TECRL: variants seen among roughly 807,000 people sequenced by gnomAD.
The protein encoded by TECRL is trans-2,3-enoyl-CoA reductase like.
Under a neutral mutation model 52.8 loss-of-function variants are expected in TECRL, and 63 were observed. That is an observed-to-expected ratio of 1.19 (90% CI 0.97 to 1.47). The LOEUF (loss-of-function observed/expected upper bound fraction) is 1.47. Among genes scored for constraint, TECRL ranks in the 40% most tolerant of loss-of-function variants. The pLI is 0.00. For missense variants in TECRL, 482 were observed against 429.6 expected (o/e 1.12, Z -1.08); for synonymous variants, 164 against 141.9 (o/e 1.16, Z -1.10).
At chr4:64,306,341 T>C (rs777029229) in intron 6 of TECRL, among the ~76,000 whole-genome samples, 1 of 152,144 alleles carries the variant, frequency 6.6e-6, no homozygotes, top group African/African-American at 2.4e-5. Context: ...CTTAGAAGGA[T>C]ATCCTGGGGC....
intron 4 of TECRL, among the ~76,000 whole-genome samples, chr4:64,317,175 G>T (rs1717559424): frequency 6.6e-6 from 1 of 152,114 alleles, no homozygotes; most frequent in South Asian, 2.1e-4. Flanking sequence ...CTACTCGGGA[G>T]GCTGAGGCAG....
At chr4:64,288,565 C>A (rs1284293025) in intron 9 of TECRL, among the ~76,000 whole-genome samples, 1 of 151,960 alleles carries the variant, frequency 6.6e-6, no homozygotes, top group Non-Finnish European at 1.5e-5. Flanking sequence ...ATTTCTTGCT[C>A]GGAATTTAAC....
intron 2 of TECRL, among the ~76,000 whole-genome samples, chr4:64,348,839 G>T (rs1009264710): frequency 1.3e-5 from 2 of 152,100 alleles, no homozygotes; most frequent in African/African-American, 4.8e-5. Flanking sequence ...CTGAGAAAGT[G>T]ATGTTGTAGT....
At chr4:64,349,065 C>CAAAA (rs11318611) in intron 2 of TECRL, among the ~76,000 whole-genome samples, 1,548 of 128,332 alleles carry the variant, frequency 0.012, 31 homozygotes, top group African/African-American at 0.043. Flanking sequence ...TTGGAAATTA[C>CAAAA]AAAAAAAAAA....
At chr4:64,404,052 A>C (rs890890134) in intron 1 of TECRL, among the ~76,000 whole-genome samples, 5 of 151,996 alleles carry the variant, frequency 3.3e-5, no homozygotes, top group Admixed American at 3.3e-4. Flanking sequence ...GAATTGTCAA[A>C]ATTTCTAAGG....
At chr4:64,313,113 A>G (rs1717177099) in intron 5 of TECRL, among the ~76,000 whole-genome samples, 1 of 152,182 alleles carries the variant, frequency 6.6e-6, no homozygotes, top group Non-Finnish European at 1.5e-5. Flanking sequence ...CACAGTAGCT[A>G]ATCAGGACAA....
intron 8 of TECRL, among the ~76,000 whole-genome samples, chr4:64,295,619 C>G (rs1173689159): frequency 6.6e-6 from 1 of 151,576 alleles, no homozygotes; most frequent in Non-Finnish European, 1.5e-5. Context: ...TACACTAACT[C>G]TGAAGTAAAT....
intron 5 of TECRL, among the ~76,000 whole-genome samples, chr4:64,310,511 G>T (rs891782453): frequency 1.3e-5 from 2 of 151,964 alleles, no homozygotes; most frequent in African/African-American, 4.8e-5. Flanking sequence ...TGTACTCTAA[G>T]TTACCACCTC....
At chr4:64,315,761 ATG>A (rs901634079) in intron 4 of TECRL, among the ~76,000 whole-genome samples, 93 of 152,268 alleles carry the variant, frequency 6.1e-4, no homozygotes, top group African/African-American at 1.9e-3. Context: ...ATATGCATAT[ATG>A]TGTGTAATTA....
At position 64,374,052 on chromosome 4, in the gene TECRL, C is replaced by CATATATATATATAGTAGATACATATAT. The variant is rs1553919039; in HGVS notation, c.286+1119_286+1120insATATATGTATCTACTATATATATATAT. Among the ~76,000 whole-genome samples, 129 of 105,934 alleles carry CATATATATATATAGTAGATACATATAT rather than the reference C, an allele frequency of 1.2e-3. 2 individuals carry two copies. The highest frequency in any genetic ancestry group is 5.1e-3 in the African/African-American group (122 of 23,814). The allele number at this position is 105,934 out of a possible 152,430, so 69.5% of individuals were successfully genotyped here. A position where few individuals can be genotyped will look rare whatever the true frequency, so the allele number is the denominator to read the frequency against. ...TATATATATATGTATATAGTAGATA[C>CATATATATATATAGTAGATACATATAT]ATATATATATATATATATATATATA... On this transcript the variant is annotated intron_variant, in intron 2 of 11. Coordinates refer to ENST00000381210, the MANE Select transcript of TECRL (RefSeq NM_001010874.5).
At chr4:64,408,620 A>T (rs1386954089) in intron 1 of TECRL, among the ~76,000 whole-genome samples, 1 of 152,038 alleles carries the variant, frequency 6.6e-6, no homozygotes, top group Non-Finnish European at 1.5e-5. Flanking sequence ...CTTTTTAAGA[A>T]AAATAATAAA....
intron 1 of TECRL, among the ~76,000 whole-genome samples, chr4:64,376,372 A>C (rs1007729476): frequency 3.3e-5 from 5 of 151,866 alleles, no homozygotes; most frequent in African/African-American, 1.2e-4. Flanking sequence ...TGATCCTAAA[A>C]CATTCTGTGT....
At chr4:64,358,864 G>A (rs1720972704) in intron 2 of TECRL, among the ~76,000 whole-genome samples, 1 of 151,688 alleles carries the variant, frequency 6.6e-6, no homozygotes, top group Non-Finnish European at 1.5e-5. Flanking sequence ...TTTATCACAG[G>A]AGGAATCTAA....
chr4:64,391,174 G>A (rs1723521679), intron 1 of TECRL, among the ~76,000 whole-genome samples: 1 of 151,796 alleles, frequency 6.6e-6, no homozygotes, highest in African/African-American at 2.4e-5. Context: ...CATTACATAT[G>A]TCTGAAATTC....
At chr4:64,408,837 T>A (rs1053094901) in intron 1 of TECRL, among the ~76,000 whole-genome samples, 7 of 152,116 alleles carry the variant, frequency 4.6e-5, no homozygotes, top group African/African-American at 1.7e-4. Flanking sequence ...TAATTTTACC[T>A]GTGGACAATG....
chr4:64,314,178 TA>T (rs1471177763), intron 5 of TECRL, among the ~76,000 whole-genome samples: 2 of 151,374 alleles, frequency 1.3e-5, no homozygotes, highest in African/African-American at 2.4e-5. Context: ...TAAAATAAAA[TA>T]AAAATAAAAA....
At position 64,332,809 on chromosome 4, in the gene TECRL, T is replaced by C. The variant is rs182756978; in HGVS notation, c.287-4253A>G. 2.1e-3 allele frequency among the ~76,000 whole-genome samples: 315 copies of C among 152,014 alleles called. 3 individuals carry two copies. Among genetic ancestry groups the C allele is most frequent in the Non-Finnish European group, 1.1e-3 (74 of 67,974 alleles). ...CCCAACTAAAGCAAAGAGAGATAAA[T>C]ATGTGGAACGGGAAAGGTGTAGGAT... On this transcript the variant is annotated intron_variant, in intron 2 of 11. Coordinates refer to ENST00000381210, the MANE Select transcript of TECRL (RefSeq NM_001010874.5).
chr4:64,385,819 AG>A (rs1220382309), intron 1 of TECRL, among the ~76,000 whole-genome samples: 1 of 152,158 alleles, frequency 6.6e-6, no homozygotes, highest in Non-Finnish European at 1.5e-5. Context: ...ATGAGGGCTG[AG>A]GGGCTATCCC....
intron 2 of TECRL, among the ~76,000 whole-genome samples, chr4:64,365,812 A>T (rs1721560290): frequency 6.6e-6 from 1 of 152,142 alleles, no homozygotes; most frequent in Admixed American, 6.6e-5. Context: ...GACCAAAGCG[A>T]TGTACAGACT....
Sources: allele counts gnomAD v4.1 joint callset (sites outside exome capture counted in the v4.1 genomes callset), GRCh38; gene constraint gnomAD v4.1.1; transcripts MANE v1.5; gene names NCBI Gene and HGNC (gene_info 2026-07-23, HGNC 2026-07-21).